The following ZNF540 variants were observed in gnomAD, a reference collection of about 807,000 sequenced individuals.
The protein encoded by ZNF540 is CTD-3064H18.6.
Under a neutral mutation model 11.8 loss-of-function variants are expected in ZNF540, and 3 were observed. The ratio of observed to expected loss-of-function variants is 0.25; its 90% CI spans 0.12 to 0.65. The LOEUF is 0.65. Among genes scored for constraint, ZNF540 ranks in the 30% least tolerant of loss-of-function variants. ZNF540 has a pLI of 0.83. For synonymous variants in ZNF540, 247 were observed against 259.0 expected (o/e 0.95, Z 0.45); for missense variants, 709 against 793.1 (o/e 0.89, Z 1.27).
intron 1 of ZNF540, among the ~76,000 whole-genome samples, chr19:37,588,732 A>C (rs1386206898): frequency 6.6e-6 from 1 of 152,208 alleles, no homozygotes; most frequent in African/African-American, 2.4e-5. Flanking sequence ...ATTTTTAAAA[A>C]GTTGGATACT....
rs369719959 is a variant in ZNF540 at position 37,588,566 on chromosome 19, A to AAGG, written c.-72-9803_-72-9801dup. ...CTGGCAACTACTAGAGCACGGAGAG[A>AAGG]AGGAGGAGGGCAAAGGAGCAAACCT... On this transcript the variant is annotated intron_variant, in intron 1 of 4. Coordinates refer to the ZNF540 transcript ENST00000592533. 4.5e-3 allele frequency among the ~76,000 whole-genome samples: 690 copies of AAGG among 152,294 alleles called. 4 individuals are homozygous for AAGG. The highest frequency in any genetic ancestry group is 0.016 in the African/African-American group (668 of 41,562).
chr19:37,597,843 A>C (rs965368156), intron 1 of ZNF540, among the ~76,000 whole-genome samples: 2 of 152,294 alleles, frequency 1.3e-5, no homozygotes, highest in Non-Finnish European at 2.9e-5. Flanking sequence ...AGCCATAGTC[A>C]GAAGTAAACA....
At chr19:37,561,917 T>A (rs1026123800) in intron 1 of ZNF540, among the ~76,000 whole-genome samples, 2 of 152,242 alleles carry the variant, frequency 1.3e-5, no homozygotes, top group Non-Finnish European at 2.9e-5. Context: ...ATGAGTGTTG[T>A]GGCATCATGG....
At chr19:37,593,529 T>C (rs889342893), upstream of ZNF540, among the ~76,000 whole-genome samples, 2 of 152,004 alleles carry the variant, frequency 1.3e-5, no homozygotes, top group African/African-American at 4.8e-5. Flanking sequence ...CGGTGAAACC[T>C]CGTCTCTACT....
intron 1 of ZNF540, chr19:37,565,270 T>C (rs776523142): frequency 6.2e-7 from 1 of 1,610,872 alleles, no homozygotes; most frequent in Non-Finnish European, 8.5e-7. Context: ...GTCTCTCACC[T>C]GAATGAACTC....
chr19:37,554,744 CTTG>C (rs2042641941), intron 1 of ZNF540: 2 of 152,008 alleles, frequency 1.3e-5, no homozygotes, highest in Admixed American at 6.6e-5. Context: ...GTGTTTTTCC[CTTG>C]TTGTACCTGA....
Position 37,613,257 on chromosome 19 carries a change from A to C in ZNF540, c.1977A>C (p.Val659=). The change falls in exon 5 of 5, where the codon GTA becomes GTC. Residue 659 remains valine, a synonymous_variant. Transcript: ENST00000316433. ...ATCAACATCAGAAAACTCATAATGT[A>C]ATTTAATATAAGAAAAGGTTTCCAT... ...HLYQHQKTHN[V]I is the part of the protein sequence containing the mutation. 2.7e-6 allele frequency: 4 copies of C among 1,485,986 alleles called. No individual in the cohort carries two copies. Among genetic ancestry groups the C allele is most frequent in the Non-Finnish European group, 3.6e-6 (4 of 1,116,608 alleles). 92.1% of individuals were successfully genotyped at this position (1,485,986 alleles called of 1,614,324 possible). A position where few individuals can be genotyped will look rare whatever the true frequency, so the allele number is the denominator to read the frequency against.
chr19:37,613,306 C>A lies in ZNF540; in HGVS notation c.*43C>A. The A allele has an allele frequency of 7.5e-7, 1 of 1,342,082 alleles. No individual in the cohort carries two copies. Among genetic ancestry groups the A allele is most frequent in the East Asian group, 2.4e-5 (1 of 41,522 alleles). 83.1% of individuals were successfully genotyped at this position (1,342,082 alleles called of 1,614,324 possible). A position where few individuals can be genotyped will look rare whatever the true frequency, so the allele number is the denominator to read the frequency against. On this transcript the variant is annotated 3_prime_UTR_variant, in exon 5 of 5. Coordinates refer to ENST00000316433, the MANE Select transcript of ZNF540 (RefSeq NM_001172225.3). ...ATGTCATGCTCTATTTATAGAATATCAAAATATTTATGGCCAGAAGTTCTG... is the reference window on the plus strand; with the variant it reads ...ATGTCATGCTCTATTTATAGAATATAAAAATATTTATGGCCAGAAGTTCTG...
intron 1 of ZNF540, among the ~76,000 whole-genome samples, chr19:37,578,340 C>T (rs547052561): frequency 1.3e-5 from 2 of 152,240 alleles, no homozygotes; most frequent in Admixed American, 6.5e-5. Context: ...GAGAAGCTCC[C>T]TAACATGGTG....
chr19:37,608,707 G>T (rs542502055), intron 4 of ZNF540, among the ~76,000 whole-genome samples: 19 of 152,324 alleles, frequency 1.2e-4, no homozygotes, highest in African/African-American at 3.4e-4. Context: ...CGGTGCACCT[G>T]TGCCACCTGA....
At chr19:37,602,810 G>A (rs751286583) in intron 4 of ZNF540, among the ~76,000 whole-genome samples, 19 of 152,182 alleles carry the variant, frequency 1.2e-4, no homozygotes, top group Non-Finnish European at 2.5e-4. Context: ...AAAGAAGCTG[G>A]TGGTGACCTT....
Position 37,599,660 on chromosome 19 carries a change from T to A in ZNF540, c.44T>A (p.Phe15Tyr), listed in dbSNP as rs1354867835. 1 of 1,614,058 alleles carries A rather than the reference T, an allele frequency of 6.2e-7. No homozygotes were observed. The highest frequency in any genetic ancestry group is 1.7e-5 in the Admixed American group (1 of 60,022). Residue 15 changes from phenylalanine (F) to tyrosine (Y), a missense_variant, in exon 3 of 5, where the codon TTC becomes TAC. Coordinates refer to ENST00000316433, the MANE Select transcript of ZNF540 (RefSeq NM_001172225.3). ...LVTFRDVAID[F>Y]SQKEWECLDT... is the part of the protein sequence containing the mutation. ...ACGTTCAGGGATGTGGCTATAGACT[T>A]CTCTCAGAAGGAATGGGAGTGCCTG... is the stretch of plus-strand genomic sequence containing the variant.
At chr19:37,593,073 A>G (rs531255328), upstream of ZNF540, among the ~76,000 whole-genome samples, 1 of 152,304 alleles carries the variant, frequency 6.6e-6, no homozygotes, top group African/African-American at 2.4e-5. Context: ...AATAACCACC[A>G]CGCTGTTACA....
chr19:37,564,841 A>C, intron 1 of ZNF540: 1 of 1,613,974 alleles, frequency 6.2e-7, no homozygotes, highest in Non-Finnish European at 8.5e-7. Flanking sequence ...TACATTCATA[A>C]GGTTTTTCAC....
At position 37,611,699 on chromosome 19, in the gene ZNF540, G is replaced by T; in HGVS notation, c.419G>T (p.Ser140Ile). The T allele has an allele frequency of 6.2e-7, 1 of 1,613,792 alleles. No individual in the cohort carries two copies. The highest frequency in any genetic ancestry group is 8.5e-7 in the Non-Finnish European group (1 of 1,179,918). The change falls in exon 5 of 5, where the codon AGT becomes ATT. Residue 140 changes from serine (S) to isoleucine (I), a missense_variant. Coordinates refer to ENST00000316433, the MANE Select transcript of ZNF540 (RefSeq NM_001172225.3). ...CAGGGACTTAAAGAAAGATCTATCA[G>T]TCAAAAGAAAATCGTCTCTAAAAAA... ...GQQGLKERSI[S>I]QKKIVSKKMS...
At position 37,554,489 on chromosome 19, in the gene ZNF540, T is replaced by A. The variant is rs572093090; in HGVS notation, c.-73+2824T>A. 7.9e-5 allele frequency among the ~76,000 whole-genome samples: 12 copies of A among 152,312 alleles called. No individual in the cohort carries two copies. The East Asian group carries it at 2.3e-3, about 29-fold the overall frequency. ...ATGAATCTTGTTACTTTTGTCCCCA[T>A]GTATGTATCTTTTTTCCATCAGGCT... On this transcript the variant is annotated intron_variant, in intron 1 of 4. Transcript: ENST00000592533.
intron 1 of ZNF540, among the ~76,000 whole-genome samples, chr19:37,572,556 C>T (rs1214007427): frequency 6.6e-6 from 1 of 152,166 alleles, no homozygotes; most frequent in Non-Finnish European, 1.5e-5. Flanking sequence ...TGGCTCAGTA[C>T]TAGCTCTGGT....
chr19:37,608,436 A>AT (rs1291924653), intron 4 of ZNF540, among the ~76,000 whole-genome samples: 1 of 151,946 alleles, frequency 6.6e-6, no homozygotes, highest in African/African-American at 2.4e-5. Flanking sequence ...GATGTTGTCT[A>AT]TTTTTTCTAT....
intron 3 of ZNF540, 50 bp downstream of exon 3, chr19:37,599,802 G>T: frequency 6.7e-7 from 1 of 1,490,034 alleles, no homozygotes; most frequent in Non-Finnish European, 9.0e-7. Flanking sequence ...TGAAATAGTA[G>T]CTTTCTCTTC....
Sources: allele counts gnomAD v4.1 joint callset (sites outside exome capture counted in the v4.1 genomes callset), GRCh38; gene constraint gnomAD v4.1.1; transcripts MANE v1.5; gene names NCBI Gene and HGNC (gene_info 2026-07-23, HGNC 2026-07-21).